The following TUBGCP3 variants were observed in gnomAD, a reference collection of about 807,000 sequenced individuals.
The protein encoded by TUBGCP3 is gamma-tubulin complex component 3.
In TUBGCP3, 50 loss-of-function variants were observed where a neutral mutation model predicts 123.1. The ratio of observed to expected loss-of-function variants is 0.41; its 90% CI spans 0.32 to 0.51. The LOEUF (loss-of-function observed/expected upper bound fraction) is 0.51, where lower values mean the gene tolerates loss of function less well. TUBGCP3 is among the 20% of genes least tolerant of loss of function. The probability of loss-of-function intolerance (pLI) is 0.36; values close to 1 mark genes in which losing one functional copy is unlikely to be tolerated. For synonymous variants in TUBGCP3, 405 were observed against 413.9 expected (o/e 0.98, Z 0.26); for missense variants, 882 against 1,127.0 (o/e 0.78, Z 3.11).
chr13:112,530,797 A>G (rs1190600343), intron 11 of TUBGCP3, among the ~76,000 whole-genome samples: 1 of 152,236 alleles, frequency 6.6e-6, no homozygotes, highest in Non-Finnish European at 1.5e-5. Context: ...CGCATACGAT[A>G]CACACAAATA....
At chr13:112,587,395 T>C (rs1264808827) in intron 1 of TUBGCP3, 1 of 153,132 alleles carries the variant, frequency 6.5e-6, no homozygotes, top group Non-Finnish European at 1.5e-5. Flanking sequence ...TAAACTTTCC[T>C]AACGAAAAGG....
intron 1 of TUBGCP3, among the ~76,000 whole-genome samples, chr13:112,578,452 G>C (rs894435772): frequency 6.7e-6 from 1 of 148,886 alleles, no homozygotes; most frequent in Non-Finnish European, 1.5e-5. Flanking sequence ...CCAGCTACTC[G>C]GGAGGCTGAG....
intron 9 of TUBGCP3, 118 bp from the exon 10 acceptor site, chr13:112,547,870 C>T (rs1594179581): frequency 6.5e-6 from 8 of 1,225,578 alleles, no homozygotes; most frequent in African/African-American, 1.5e-5. Context: ...AAGCCAAAGT[C>T]CCCTTTAAAA....
Position 112,547,771 on chromosome 13 carries a change from A to T in TUBGCP3, c.1036-19T>A. The T allele has an allele frequency of 6.9e-7, 1 of 1,440,746 alleles. No homozygotes were observed. Among genetic ancestry groups the T allele is most frequent in the Non-Finnish European group, 9.1e-7 (1 of 1,093,148 alleles). The allele number at this position is 1,440,746 out of a possible 1,614,324, so 89.2% of individuals were successfully genotyped here. On this transcript the variant is annotated intron_variant, in intron 9 of 21. Coordinates refer to ENST00000261965, the MANE Select transcript of TUBGCP3 (RefSeq NM_006322.6). The stretch of plus-strand genomic sequence containing the variant: ...GTTGTAGCTAAAAAACAATAAAGAT[A>T]GAAATGTTTAAGTACAAATAACCAC...
At chr13:112,576,306 TA>T (rs1297688562) in intron 1 of TUBGCP3, among the ~76,000 whole-genome samples, 1 of 152,106 alleles carries the variant, frequency 6.6e-6, no homozygotes, top group Admixed American at 6.5e-5. Flanking sequence ...CAAACTACAG[TA>T]AATGCACTTT....
chr13:112,527,280 G>C (rs959886621), intron 12 of TUBGCP3, 94 bp downstream of exon 12: 1 of 951,074 alleles, frequency 1.1e-6, no homozygotes, highest in Admixed American at 2.5e-5. Flanking sequence ...ATCTCAAAAC[G>C]CATGAAATTT....
At chr13:112,585,893 A>G (rs1882573380) in intron 1 of TUBGCP3, among the ~76,000 whole-genome samples, 1 of 152,106 alleles carries the variant, frequency 6.6e-6, no homozygotes, top group South Asian at 2.1e-4. Flanking sequence ...GAAGCTTTTC[A>G]GTCTCTTAGA....
chr13:112,497,677 G>A (rs566441414), intron 20 of TUBGCP3, among the ~76,000 whole-genome samples: 85 of 152,340 alleles, frequency 5.6e-4, no homozygotes, highest in Non-Finnish European at 1.0e-3. Context: ...TGGTACAGCT[G>A]ACTACACCCT....
chr13:112,500,283 C>T (rs1174116323), intron 19 of TUBGCP3, among the ~76,000 whole-genome samples: 8 of 152,160 alleles, frequency 5.3e-5, no homozygotes, highest in Non-Finnish European at 1.2e-4. Flanking sequence ...GGGCAGAACC[C>T]TCTTAGCTTG....
At chr13:112,571,304 T>C (rs80242385) in intron 1 of TUBGCP3, among the ~76,000 whole-genome samples, 4,371 of 152,302 alleles carry the variant, frequency 0.029, 184 homozygotes, top group Non-Finnish European at 0.032. Context: ...GAAATTACTC[T>C]TTGGTCCATG....
intron 3 of TUBGCP3, among the ~76,000 whole-genome samples, chr13:112,562,281 C>A (rs1165008712): frequency 1.3e-5 from 2 of 152,044 alleles, no homozygotes; most frequent in African/African-American, 4.8e-5. Flanking sequence ...GGAACACCAC[C>A]AGCCAGGACC....
chr13:112,486,290 C>T, intron 21 of TUBGCP3, 139 bp from the exon 22 acceptor site: 2 of 1,073,500 alleles, frequency 1.9e-6, no homozygotes, highest in Non-Finnish European at 2.7e-6. Flanking sequence ...CCCACCAGGG[C>T]AGGTGTCCAG....
intron 11 of TUBGCP3, among the ~76,000 whole-genome samples, chr13:112,543,787 A>G (rs1319242592): frequency 1.3e-5 from 2 of 152,248 alleles, no homozygotes; most frequent in East Asian, 1.9e-4. Flanking sequence ...GTTAAAAGAT[A>G]TAATTTTTTA....
chr13:112,571,627 A>T (rs1881402327), intron 1 of TUBGCP3, among the ~76,000 whole-genome samples: 1 of 152,200 alleles, frequency 6.6e-6, no homozygotes, highest in Non-Finnish European at 1.5e-5. Context: ...GTAGCTCTGA[A>T]GGAAGGCACT....
chr13:112,489,899 T>C, intron 20 of TUBGCP3: 1 of 578,330 alleles, frequency 1.7e-6, no homozygotes, highest in East Asian at 2.8e-5. Flanking sequence ...GTTGAAAATA[T>C]TTCATATGAA....
chr13:112,566,042 A>G (rs1192978001), intron 2 of TUBGCP3, among the ~76,000 whole-genome samples: 2 of 152,178 alleles, frequency 1.3e-5, no homozygotes, highest in Non-Finnish European at 2.9e-5. Flanking sequence ...ATTTTCATCC[A>G]CCAATTCATT....
At chr13:112,604,557 C>T in the TUBGCP3 span, 1 of 152,216 alleles carries the variant, frequency 6.6e-6, no homozygotes, top group Non-Finnish European at 1.5e-5. Context: ...CTCAGACTCC[C>T]AAAGTGCTGT....
chr13:112,539,309 A>G (rs1470345354), intron 11 of TUBGCP3, among the ~76,000 whole-genome samples: 2 of 152,180 alleles, frequency 1.3e-5, no homozygotes, highest in Admixed American at 6.5e-5. Context: ...CAACAGCCAG[A>G]CCCAAATCAG....
chr13:112,488,913 A>AC (rs1879873122), intron 21 of TUBGCP3, among the ~76,000 whole-genome samples: 3 of 120,548 alleles, frequency 2.5e-5, no homozygotes, highest in African/African-American at 6.3e-5. Flanking sequence ...AGGTCCCCAC[A>AC]CCCACCACAG....
Sources: allele counts gnomAD v4.1 joint callset (sites outside exome capture counted in the v4.1 genomes callset), GRCh38; gene constraint gnomAD v4.1.1; transcripts MANE v1.5; gene names NCBI Gene and HGNC (gene_info 2026-07-23, HGNC 2026-07-21).